The following DNAH17 variants were observed in gnomAD, a reference collection of about 807,000 sequenced individuals.
DNAH17 encodes axonemal beta dynein heavy chain 17.
DNAH17 carries 376 observed loss-of-function variants against 485.6 expected under a neutral mutation model. The observed-to-expected ratio is 0.77, with a 90% CI of 0.71 to 0.84. The LOEUF (loss-of-function observed/expected upper bound fraction) is 0.84. DNAH17 is among the 40% of genes least tolerant of loss of function. The probability of loss-of-function intolerance (pLI) is 0.00; values close to 1 mark genes in which losing one functional copy is unlikely to be tolerated. For missense variants in DNAH17, 6,370 were observed against 5,839.3 expected, an observed-to-expected ratio of 1.09 and a Z score of -2.96; for synonymous variants, 3,031 against 2,405.9, an observed-to-expected ratio of 1.26 and a Z score of -7.60.
chr17:78,510,601 G>A (rs1272813863), intron 26 of DNAH17, 95 bp from the exon 27 acceptor site: 2 of 1,534,550 alleles, frequency 1.3e-6, no homozygotes, highest in East Asian at 2.3e-5. Flanking sequence ...CATTGCCGGG[G>A]CACGATCCCG....
rs1218738665 is a variant in DNAH17, at chr17:78,505,281, G to A, written c.4956+12C>T. 25 of 1,613,472 alleles carry A rather than the reference G, an allele frequency of 1.5e-5. No individual in the cohort carries two copies. The highest frequency in any genetic ancestry group is 1.1e-4 in the East Asian group (5 of 44,874). On this transcript the variant is annotated intron_variant, in intron 31 of 80. Transcript: ENST00000389840. ...GTCCTGGGTTCCCTGTGTGGTGTGC[G>A]CACACACTCACCTGCCCCGAGAGGT...
intron 4 of DNAH17, 102 bp downstream of exon 4, chr17:78,571,488 G>A: frequency 6.7e-7 from 1 of 1,498,222 alleles, no homozygotes; most frequent in Non-Finnish European, 9.3e-7. Flanking sequence ...GGTCATCAGA[G>A]CCCTCAGGAC....
In DNAH17 at chr17:78,491,445, T is replaced by C; in HGVS notation, c.6667A>G (p.Lys2223Glu). The change falls in exon 43 of 81, where the codon AAG becomes GAG. Residue 2223 changes from lysine (K) to glutamate (E), a missense_variant and splice_region_variant. Lys to Glu is a moderately conservative substitution (Grantham distance 56, BLOSUM62 1). Coordinates refer to ENST00000389840, the MANE Select transcript of DNAH17 (RefSeq NM_173628.4). ...CTTAGAGTCCAGGGCCCGCGAACCTTGTTGTCATCCATGACTGTGTTGAGA... is the reference window on the plus strand; with the variant it reads ...CTTAGAGTCCAGGGCCCGCGAACCTCGTTGTCATCCATGACTGTGTTGAGA... ...ESLNTVMDDN[K>E]VLTLASNERI... The C allele has an allele frequency of 6.2e-7, 1 of 1,612,750 alleles. No individual in the cohort carries two copies. The highest frequency in any genetic ancestry group is 8.5e-7 in the Non-Finnish European group (1 of 1,179,422).
intron 13 of DNAH17, among the ~76,000 whole-genome samples, chr17:78,559,840 T>C (rs2092113383): frequency 6.6e-6 from 1 of 152,120 alleles, no homozygotes; most frequent in Non-Finnish European, 1.5e-5. Context: ...GCCTCCTTGC[T>C]GCTCCTGGAC....
At chr17:78,553,109 C>T (rs1321101516) in intron 14 of DNAH17, among the ~76,000 whole-genome samples, 4 of 152,048 alleles carry the variant, frequency 2.6e-5, no homozygotes, top group Non-Finnish European at 4.4e-5. Flanking sequence ...ACTTCTCTCT[C>T]GATCCTGGCT....
chr17:78,425,801 T>C (rs2086429126), intron 79 of DNAH17, among the ~76,000 whole-genome samples: 1 of 144,518 alleles, frequency 6.9e-6, no homozygotes. Context: ...AGTATCGCTC[T>C]GTCACCCAGG....
chr17:78,532,907 C>T (rs2091279700), intron 19 of DNAH17, 171 bp from the exon 20 acceptor site: 2 of 717,088 alleles, frequency 2.8e-6, no homozygotes, highest in East Asian at 5.8e-5. Context: ...TTTAGGCAAC[C>T]TGGTGGTCCC....
chr17:78,477,948 T>C (rs1183657664), intron 51 of DNAH17, among the ~76,000 whole-genome samples: 1 of 133,336 alleles, frequency 7.5e-6, no homozygotes, highest in Non-Finnish European at 1.5e-5. Context: ...ACCATCACCA[T>C]TATCATCTCC....
chr17:78,432,494 C>T (rs1277211827), intron 75 of DNAH17, among the ~76,000 whole-genome samples: 1 of 152,232 alleles, frequency 6.6e-6, no homozygotes, highest in Non-Finnish European at 1.5e-5. Flanking sequence ...CTCCCTGCTA[C>T]TCCAGGGCTG....
chr17:78,440,909 T>C, intron 72 of DNAH17, 142 bp downstream of exon 72: 1 of 1,031,324 alleles, frequency 9.7e-7, no homozygotes, highest in Non-Finnish European at 1.4e-6. Context: ...TTCCTGTTCT[T>C]GATCATTGCC....
At chr17:78,524,972 T>A (rs770230920) in intron 25 of DNAH17, 37 bp downstream of exon 25, 1 of 1,581,964 alleles carries the variant, frequency 6.3e-7, no homozygotes, top group African/African-American at 1.3e-5. Flanking sequence ...CCCTGCAGAA[T>A]CCCGGGCCCC....
At chr17:78,436,843 TCCAAACAAACAA>T (rs1238480567) in intron 74 of DNAH17, among the ~76,000 whole-genome samples, 1 of 73,732 alleles carries the variant, frequency 1.4e-5, no homozygotes, top group African/African-American at 4.4e-5. Context: ...AGACTCCATC[TCCAAACAAACAA>T]ACAAACAAAC....
At position 78,439,153 on chromosome 17, in the gene DNAH17, T is replaced by C. The variant is rs558033068; in HGVS notation, c.11742A>G (p.Gln3914=). ...KLHNVSLGQG[Q]EVVAENALDV... is the part of the protein sequence containing the mutation. ...CCAGGGCGTTCTCAGCCACCACCTCTTGTCCCTGCCCCAGGGACACATTAT... is the reference window on the plus strand; with the variant it reads ...CCAGGGCGTTCTCAGCCACCACCTCCTGTCCCTGCCCCAGGGACACATTAT... Residue 3914 remains glutamine, a synonymous_variant, in exon 73 of 81, where the codon CAA becomes CAG. Coordinates refer to ENST00000389840, the MANE Select transcript of DNAH17 (RefSeq NM_173628.4). 1.5e-4 allele frequency: 241 copies of C among 1,613,684 alleles called. 1 individual carries two copies. In the South Asian group the frequency reaches 2.5e-3, roughly 17 times the overall value.
At chr17:78,435,540 C>T (rs1046351235) in intron 74 of DNAH17, among the ~76,000 whole-genome samples, 7 of 152,318 alleles carry the variant, frequency 4.6e-5, no homozygotes, top group South Asian at 4.1e-4. Flanking sequence ...CAGGGCTCCA[C>T]GCTGGCTGGA....
intron 62 of DNAH17, among the ~76,000 whole-genome samples, chr17:78,457,092 CG>C (rs2087838368): frequency 6.6e-6 from 1 of 152,190 alleles, no homozygotes. Flanking sequence ...ATGAAGGGGC[CG>C]GGCGTGGTGG....
Position 78,453,803 on chromosome 17 carries a change from G to A in DNAH17, c.10407-338C>T, listed in dbSNP as rs143119600. ...CCCAGGCTCAAGTGATCCTCCCATC[G>A]CAGCCTCCTGAGTAGCTGGGACTAC... On this transcript the variant is annotated intron_variant, in intron 64 of 80. Coordinates refer to ENST00000389840, the MANE Select transcript of DNAH17 (RefSeq NM_173628.4). 9.3e-4 allele frequency among the ~76,000 whole-genome samples: 142 copies of A among 152,224 alleles called. 1 individual carries two copies. In the East Asian group the frequency reaches 0.025, roughly 27 times the overall value.
chr17:78,437,650 C>T lies in DNAH17; in HGVS notation c.12024G>A (p.Leu4008=), dbSNP rs775540575. 4.4e-6 allele frequency: 7 copies of T among 1,605,978 alleles called. No individual in the cohort carries two copies. The highest frequency in any genetic ancestry group is 5.1e-6 in the Non-Finnish European group (6 of 1,175,882). Residue 4008 remains leucine, a synonymous_variant, in exon 74 of 81, where the codon CTG becomes CTA. Coordinates refer to ENST00000389840, the MANE Select transcript of DNAH17 (RefSeq NM_173628.4). The part of the protein sequence containing the change: ...MHANLHKALD[L]FTQDTLEMCT... The stretch of plus-strand genomic sequence containing the variant: ...GCAGGCGTGGCCCTACCTGGGTGAA[C>T]AGGTCCAGGGCCTTGTGCAAGTTGG...
intron 69 of DNAH17, among the ~76,000 whole-genome samples, chr17:78,446,954 TGA>T (rs1488521071): frequency 1.3e-5 from 2 of 152,116 alleles, no homozygotes; most frequent in Admixed American, 1.3e-4. Context: ...TTGTTGTCTT[TGA>T]GAGACAGGGT....
chr17:78,501,338 T>C lies in DNAH17; in HGVS notation c.5329A>G (p.Ser1777Gly). The change falls in exon 35 of 81, where the codon AGT becomes GGT. Residue 1777 changes from serine (S) to glycine (G), a missense_variant. Physicochemically the swap from Ser to Gly is moderately conservative, Grantham distance 56. Coordinates refer to ENST00000389840, the MANE Select transcript of DNAH17 (RefSeq NM_173628.4). Reference sequence around the variant, plus strand: ...GCCTGCCAGGTGAAGGCCTGAGAACTCTCCACCTGCAGGATGAGCCGGAGC... The same window carrying C: ...GCCTGCCAGGTGAAGGCCTGAGAACCCTCCACCTGCAGGATGAGCCGGAGC... ...VAKMIVAKVE[S>G]SQAFTWQAQL... 1.3e-6 allele frequency: 2 copies of C among 1,590,554 alleles called. No homozygotes were observed. The highest frequency in any genetic ancestry group is 1.7e-4 in the Middle Eastern group (1 of 5,992).
Sources: gnomAD v4.1 joint callset for allele counts (sites outside exome capture counted in the v4.1 genomes callset) on GRCh38, gnomAD v4.1.1 for gene constraint, MANE v1.5 for transcripts, NCBI Gene and HGNC (gene_info 2026-07-23, HGNC 2026-07-21) for gene names.